The following PPP2R3A variants were observed in gnomAD, a reference collection of about 807,000 sequenced individuals.
PPP2R3A encodes protein phosphatase 2 regulatory subunit B''alpha, also known as serine/threonine-protein phosphatase 2A regulatory subunit B'' subunit alpha.
PPP2R3A carries 80 observed loss-of-function variants against 106.9 expected under a neutral mutation model. The ratio of observed to expected loss-of-function variants is 0.75; its 90% CI spans 0.62 to 0.90. The LOEUF (loss-of-function observed/expected upper bound fraction) is 0.90. PPP2R3A is among the 40% of genes least tolerant of loss of function. PPP2R3A has a pLI of 0.00. For synonymous variants in PPP2R3A, 483 were observed against 468.3 expected, an observed-to-expected ratio of 1.03 and a Z score of -0.41; for missense variants, 1,386 against 1,350.4, an observed-to-expected ratio of 1.03 and a Z score of -0.41.
intron 10 of PPP2R3A, among the ~76,000 whole-genome samples, chr3:136,100,879 A>G (rs997811654): frequency 6.6e-6 from 1 of 152,164 alleles, no homozygotes; most frequent in Non-Finnish European, 1.5e-5. Context: ...CTCTAATTCT[A>G]TAACTAGCCA....
intron 5 of PPP2R3A, 130 bp downstream of exon 5, chr3:136,049,491 C>T: frequency 1.7e-6 from 1 of 598,490 alleles, no homozygotes; most frequent in South Asian, 2.4e-5. Flanking sequence ...GAGTGGTTTT[C>T]AAACTTGTTT....
At chr3:136,136,732 C>A (rs1938638023) in intron 13 of PPP2R3A, among the ~76,000 whole-genome samples, 2 of 152,230 alleles carry the variant, frequency 1.3e-5, no homozygotes, top group East Asian at 3.9e-4. Context: ...TACAGTAGTC[C>A]AGATGATTTG....
rs1022354623 is a variant in PPP2R3A at position 135,979,380 on chromosome 3, A to C, written c.-441+13531A>C. On this transcript the variant is annotated intron_variant, in intron 1 of 13. Transcript: ENST00000264977. ...AGAAGGAGACTCCATCTCAAAAAAA[A>C]AAAAAGATTTATTTGTCAAATAAAA... is the stretch of plus-strand genomic sequence containing the variant. Among the ~76,000 whole-genome samples, 14 of 151,778 alleles carry C rather than the reference A, an allele frequency of 9.2e-5. 1 individual carries two copies. Among genetic ancestry groups the C allele is most frequent in the Non-Finnish European group, 1.5e-4 (10 of 68,040 alleles).
intron 2 of PPP2R3A, among the ~76,000 whole-genome samples, chr3:136,015,596 G>C (rs58030391): frequency 6.6e-6 from 1 of 151,682 alleles, no homozygotes; most frequent in African/African-American, 2.4e-5. Context: ...TTCAGTTTGC[G>C]TGCATGAAGG....
intron 11 of PPP2R3A, 56 bp downstream of exon 11, chr3:136,102,238 A>G: frequency 1.3e-6 from 2 of 1,568,830 alleles, no homozygotes; most frequent in Admixed American, 1.7e-5. Flanking sequence ...GAGGAGGGCA[A>G]AGAATCCTAG....
At chr3:136,019,925 G>C (rs1439199741) in intron 2 of PPP2R3A, among the ~76,000 whole-genome samples, 1 of 152,108 alleles carries the variant, frequency 6.6e-6, no homozygotes, top group African/African-American at 2.4e-5. Flanking sequence ...TTCTGACTTT[G>C]AAACTTAGCA....
rs144390488 is a variant in PPP2R3A, at chr3:136,001,707, C to G, written c.209C>G (p.Ser70Cys). ...VSQFKDADLNSMFLPHENGLS... is the reference protein window; with the variant it reads ...VSQFKDADLNCMFLPHENGLS... ...CAGTTCAAAGATGCAGATCTGAACTCTATGTTTCTACCCCATGAAAATGGG... is the reference window on the plus strand; with the variant it reads ...CAGTTCAAAGATGCAGATCTGAACTGTATGTTTCTACCCCATGAAAATGGG... Residue 70 changes from serine to cysteine, a missense_variant, in exon 2 of 14, where the codon TCT becomes TGT. By Grantham distance (112) the Ser-to-Cys change is moderately radical. Coordinates refer to ENST00000264977, the MANE Select transcript of PPP2R3A (RefSeq NM_002718.5). 5 of 1,614,062 alleles carry G rather than the reference C, an allele frequency of 3.1e-6. No homozygotes were observed. The highest frequency in any genetic ancestry group is 1.3e-5 in the African/African-American group (1 of 75,032).
At chr3:136,028,595 C>G (rs1934750828) in intron 3 of PPP2R3A, among the ~76,000 whole-genome samples, 1 of 152,232 alleles carries the variant, frequency 6.6e-6, no homozygotes, top group Admixed American at 6.5e-5. Context: ...CAGTAACTAA[C>G]TTCCAGTTAA....
At chr3:136,120,267 C>T (rs1937943908) in intron 13 of PPP2R3A, among the ~76,000 whole-genome samples, 1 of 151,916 alleles carries the variant, frequency 6.6e-6, no homozygotes, top group South Asian at 2.1e-4. Context: ...GTACATGTAC[C>T]CCAGAACTTA....
rs1160535378 is a variant in PPP2R3A, at chr3:136,030,778, ATATGTATG to A, written c.2262+3720_2262+3727del. ...TTCCATCACATATATATATATATAT[ATATGTATG>A]TATGTATGTATGTATGTATGTATGT... is the stretch of plus-strand genomic sequence containing the variant. On this transcript the variant is annotated intron_variant, in intron 3 of 13. Transcript: ENST00000264977. Among the ~76,000 whole-genome samples, 788 of 111,136 alleles carry A rather than the reference ATATGTATG, an allele frequency of 7.1e-3. 8 individuals are homozygous for A. The highest frequency in any genetic ancestry group is 0.015 in the African/African-American group (461 of 29,754). The allele number at this position is 111,136 out of a possible 152,430, so 72.9% of individuals were successfully genotyped here.
At chr3:136,104,892 C>A (rs954035790) in intron 12 of PPP2R3A, among the ~76,000 whole-genome samples, 1 of 152,086 alleles carries the variant, frequency 6.6e-6, no homozygotes, top group African/African-American at 2.4e-5. Context: ...TCCCTCTTCA[C>A]TTATTTTCTT....
chr3:135,971,938 A>T (rs985457714), intron 1 of PPP2R3A, among the ~76,000 whole-genome samples: 1 of 152,200 alleles, frequency 6.6e-6, no homozygotes, highest in Non-Finnish European at 1.5e-5. Flanking sequence ...GTTCCTGAGT[A>T]TAGTTCCTGG....
At chr3:136,133,696 A>G (rs1938503642) in intron 13 of PPP2R3A, among the ~76,000 whole-genome samples, 1 of 152,052 alleles carries the variant, frequency 6.6e-6, no homozygotes, top group African/African-American at 2.4e-5. Context: ...AATAATCCAC[A>G]TGTCCATCAA....
chr3:136,004,782 A>G (rs114457296), intron 2 of PPP2R3A, among the ~76,000 whole-genome samples: 1,903 of 152,316 alleles, frequency 0.012, 41 homozygotes, highest in African/African-American at 0.044. Context: ...GGGCCTGAAT[A>G]GTATTAGTCA....
chr3:136,035,533 G>A (rs1438224166), intron 3 of PPP2R3A, among the ~76,000 whole-genome samples: 2 of 152,218 alleles, frequency 1.3e-5, no homozygotes, highest in African/African-American at 2.4e-5. Flanking sequence ...TGTTTTGTTT[G>A]AGGAGGCTGA....
At chr3:136,011,822 GT>G (rs1427983807) in intron 2 of PPP2R3A, among the ~76,000 whole-genome samples, 1 of 152,154 alleles carries the variant, frequency 6.6e-6, no homozygotes, top group Non-Finnish European at 1.5e-5. Flanking sequence ...CAGTTAAGGT[GT>G]TTACCCTGGG....
intron 4 of PPP2R3A, among the ~76,000 whole-genome samples, chr3:136,048,545 G>A (rs141832029): frequency 0.23 from 34,963 of 151,954 alleles, 4,854 homozygotes; most frequent in Non-Finnish European, 0.32. Context: ...GGTGGCATGC[G>A]CCTATAGTCC....
intron 5 of PPP2R3A, among the ~76,000 whole-genome samples, chr3:136,060,527 A>G (rs1936040179): frequency 6.6e-6 from 1 of 152,076 alleles, no homozygotes; most frequent in East Asian, 1.9e-4. Flanking sequence ...ATTGTTTGAA[A>G]GTGTGTAGCA....
At position 136,001,136 on chromosome 3, in the gene PPP2R3A, A is replaced by C; in HGVS notation, c.-363A>C. The C allele has an allele frequency of 2.5e-6, 1 of 405,256 alleles. No individual in the cohort carries two copies. Among genetic ancestry groups the C allele is most frequent in the African/African-American group, 2.1e-5 (1 of 48,772 alleles). 25.1% of individuals were successfully genotyped at this position (405,256 alleles called of 1,614,324 possible). On this transcript the variant is annotated 5_prime_UTR_variant, in exon 2 of 14. Transcript: ENST00000264977. ...GTTATCACAATACTTCTCTACTACC[A>C]ACTAAGATTTATGATAGTAAATTTA...
Sources: allele counts gnomAD v4.1 joint callset (sites outside exome capture counted in the v4.1 genomes callset), GRCh38; gene constraint gnomAD v4.1.1; transcripts MANE v1.5; gene names NCBI Gene and HGNC (gene_info 2026-07-23, HGNC 2026-07-21).